The following SCFD1 variants were observed in gnomAD, a reference collection of about 807,000 sequenced individuals.
The protein encoded by SCFD1 is sec1 family domain containing 1.
A neutral mutation model predicts 103.2 loss-of-function variants in SCFD1; 37 were observed. That is an observed-to-expected ratio of 0.36 (90% confidence interval 0.28 to 0.47). The LOEUF is 0.47. Ranked by LOEUF, SCFD1 falls within the 20% of genes least tolerant of loss-of-function variation. The pLI, the probability that SCFD1 is intolerant of heterozygous loss-of-function variation, is 1.00. For synonymous variants in SCFD1, 264 were observed against 245.0 expected (o/e 1.08, Z -0.73); for missense variants, 639 against 761.2 (o/e 0.84, Z 1.89).
Position 30,646,833 on chromosome 14 carries a change from A to G in SCFD1, c.614-2695A>G, listed in dbSNP as rs1433026364. On this transcript the variant is annotated intron_variant, in intron 7 of 24. Transcript: ENST00000458591. Reference sequence around the variant, plus strand: ...CAGAACTTCAGTTTCTTCCTTGTTAAACCTTGGCAGGTTCTATGTTTCCAG... The same window carrying G: ...CAGAACTTCAGTTTCTTCCTTGTTAGACCTTGGCAGGTTCTATGTTTCCAG... 2.0e-5 allele frequency among the ~76,000 whole-genome samples: 3 copies of G among 152,192 alleles called. No individual in the cohort carries two copies. The East Asian group carries it at 5.8e-4, about 29-fold the overall frequency.
intron 4 of SCFD1, among the ~76,000 whole-genome samples, chr14:30,636,488 C>T (rs1463968825): frequency 1.3e-5 from 2 of 152,074 alleles, no homozygotes; most frequent in Non-Finnish European, 2.9e-5. Flanking sequence ...AGAGACTATT[C>T]TTTCCCTAGT....
At chr14:30,632,690 G>A (rs74509395) in intron 3 of SCFD1, among the ~76,000 whole-genome samples, 2,954 of 152,216 alleles carry the variant, frequency 0.019, 52 homozygotes, top group Middle Eastern at 0.034. Context: ...TTTACTAATG[G>A]AAGGACTGAA....
At chr14:30,677,103 A>G (rs957475627) in intron 14 of SCFD1, among the ~76,000 whole-genome samples, 3 of 152,230 alleles carry the variant, frequency 2.0e-5, no homozygotes, top group African/African-American at 7.2e-5. Flanking sequence ...TCTTATGCCA[A>G]GAAACTAATC....
chr14:30,635,095 G>C, intron 4 of SCFD1: 1 of 386,284 alleles, frequency 2.6e-6, no homozygotes, highest in South Asian at 1.9e-5. Flanking sequence ...GAATCAAATT[G>C]CTATTTAAAT....
chr14:30,674,879 G>A (rs1270382869), intron 13 of SCFD1, 105 bp from the exon 14 acceptor site: 4 of 551,904 alleles, frequency 7.2e-6, no homozygotes, highest in African/African-American at 5.9e-5. Context: ...TCTTGTTACT[G>A]TTTCACTGTT....
At chr14:30,705,908 T>C (rs1258048581) in intron 18 of SCFD1, 23 bp downstream of exon 18, 1 of 1,589,216 alleles carries the variant, frequency 6.3e-7, no homozygotes, top group Non-Finnish European at 8.6e-7. Flanking sequence ...AATAATTCTT[T>C]TGCATCTTTG....
chr14:30,623,704 C>G (rs904364104), intron 1 of SCFD1, among the ~76,000 whole-genome samples: 3 of 152,124 alleles, frequency 2.0e-5, no homozygotes. Flanking sequence ...TTTTGTAGAT[C>G]ATTAAAATCT....
intron 24 of SCFD1, 103 bp from the exon 25 acceptor site, chr14:30,735,483 A>AAAAT: frequency 1.3e-6 from 1 of 798,218 alleles, no homozygotes. Flanking sequence ...TGCAGTGAAT[A>AAAAT]AAATAGGAAG....
At chr14:30,622,299 G>T (rs753599237), upstream of SCFD1, 6 of 1,593,088 alleles carry the variant, frequency 3.8e-6, no homozygotes, top group Non-Finnish European at 5.1e-6. Flanking sequence ...TCATCCCCCC[G>T]CTCCGCTCCC....
At chr14:30,704,584 G>A (rs1594737068) in intron 17 of SCFD1, among the ~76,000 whole-genome samples, 2 of 152,208 alleles carry the variant, frequency 1.3e-5, no homozygotes, top group Admixed American at 1.3e-4. Context: ...CATCCTTTCT[G>A]AACAAGACTG....
Position 30,630,464 on chromosome 14 carries a change from T to G in SCFD1, c.133-13T>G, listed in dbSNP as rs747724624. The stretch of plus-strand genomic sequence containing the variant: ...GTTCACTGATAATGATGACACATGG[T>G]TTTTTTTAATAGGTACTCATTTATG... On this transcript the variant is annotated splice_polypyrimidine_tract_variant and intron_variant, in intron 2 of 24. Coordinates refer to ENST00000458591, the MANE Select transcript of SCFD1 (RefSeq NM_016106.4). 2.0e-6 allele frequency: 3 copies of G among 1,484,006 alleles called. No individual in the cohort carries two copies. Among genetic ancestry groups the G allele is most frequent in the East Asian group, 2.3e-5 (1 of 43,904 alleles). 91.9% of individuals were successfully genotyped at this position (1,484,006 alleles called of 1,614,324 possible). A position where few individuals can be genotyped will look rare whatever the true frequency, so the allele number is the denominator to read the frequency against.
At chr14:30,711,270 T>C (rs929191486) in intron 19 of SCFD1, among the ~76,000 whole-genome samples, 2 of 152,218 alleles carry the variant, frequency 1.3e-5, no homozygotes, top group Admixed American at 1.3e-4. Flanking sequence ...ACAGTTGCAA[T>C]GTCTGGCCCT....
chr14:30,628,265 G>A lies in SCFD1; in HGVS notation c.118G>A (p.Glu40Lys). 6.2e-7 allele frequency: 1 copy of A among 1,608,352 alleles called. No homozygotes were observed. Among genetic ancestry groups the A allele is most frequent in the Non-Finnish European group, 8.5e-7 (1 of 1,175,202 alleles). The change falls in exon 2 of 25, where the codon GAA becomes AAA. Residue 40 changes from glutamate to lysine, a missense_variant. Coordinates refer to ENST00000458591, the MANE Select transcript of SCFD1 (RefSeq NM_016106.4). ...GCCTCATATTAAAAACAGCACAGGA[G>A]AACCAGTATGGAAGGTAAGAGTTTA... ...NVPHIKNSTG[E>K]PVWKVLIYDR...
chr14:30,699,363 T>G (rs949586070), intron 15 of SCFD1, among the ~76,000 whole-genome samples: 2 of 152,196 alleles, frequency 1.3e-5, no homozygotes, highest in Non-Finnish European at 2.9e-5. Flanking sequence ...TCTTGCATCT[T>G]AGGATGCACT....
At chr14:30,662,943 A>T (rs1887580900) in intron 10 of SCFD1, among the ~76,000 whole-genome samples, 1 of 152,196 alleles carries the variant, frequency 6.6e-6, no homozygotes. Flanking sequence ...CAATGGAAAC[A>T]GATTAGACTC....
chr14:30,632,531 T>C (rs1884284979), intron 3 of SCFD1, among the ~76,000 whole-genome samples: 1 of 152,244 alleles, frequency 6.6e-6, no homozygotes, highest in African/African-American at 2.4e-5. Flanking sequence ...TTCATTTTTA[T>C]GTCAGACTGA....
chr14:30,734,293 CTG>C (rs540299581), intron 23 of SCFD1, among the ~76,000 whole-genome samples: 46 of 152,294 alleles, frequency 3.0e-4, no homozygotes, highest in South Asian at 2.1e-3. Context: ...AACATTGTAA[CTG>C]TGACTTTTAT....
Position 30,707,403 on chromosome 14 carries a change from T to G in SCFD1, c.1554-587T>G, listed in dbSNP as rs28441096. Among the ~76,000 whole-genome samples the G allele has an allele frequency of 6.5e-3, 996 of 152,318 alleles. 18 individuals are homozygous for G. Among genetic ancestry groups the G allele is most frequent in the African/African-American group, 0.023 (953 of 41,560 alleles). ...AAAATGTAGACAACATTCTCAGAGTTGAGGCAAAATTCGCTAAGTCTGTTC... is the reference window on the plus strand; with the variant it reads ...AAAATGTAGACAACATTCTCAGAGTGGAGGCAAAATTCGCTAAGTCTGTTC... On this transcript the variant is annotated intron_variant, in intron 18 of 24. Coordinates refer to ENST00000458591, the MANE Select transcript of SCFD1 (RefSeq NM_016106.4).
At chr14:30,628,129 T>G in intron 1 of SCFD1, 80 bp from the exon 2 acceptor site, 1 of 945,940 alleles carries the variant, frequency 1.1e-6, no homozygotes. Flanking sequence ...TTATTTTGCT[T>G]TGGGGTAGTG....
Sources: gnomAD v4.1 joint callset for allele counts (sites outside exome capture counted in the v4.1 genomes callset) on GRCh38, gnomAD v4.1.1 for gene constraint, MANE v1.5 for transcripts, NCBI Gene and HGNC (gene_info 2026-07-23, HGNC 2026-07-21) for gene names.